PDCD1LG2: variants seen among roughly 807,000 people sequenced by gnomAD.
PDCD1LG2 encodes programmed cell death 1 ligand 2.
Under a neutral mutation model 28.2 loss-of-function variants are expected in PDCD1LG2, and 32 were observed. The ratio of observed to expected loss-of-function variants is 1.13; its 90% CI spans 0.86 to 1.52. The LOEUF (loss-of-function observed/expected upper bound fraction) is 1.52. PDCD1LG2 is among the 40% of genes most tolerant of loss of function. The pLI is 0.00. For missense variants in PDCD1LG2, 385 were observed against 323.8 expected (o/e 1.19, Z -1.45); for synonymous variants, 116 against 120.2 (o/e 0.97, Z 0.23).
chr9:5,539,137 A>AATTCAT (rs2129819986), intron 3 of PDCD1LG2, among the ~76,000 whole-genome samples: 1 of 152,332 alleles, frequency 6.6e-6, no homozygotes, highest in South Asian at 2.1e-4. Flanking sequence ...TTACTAAAAA[A>AATTCAT]ATTCATAAGA....
chr9:5,522,526 A>G lies in PDCD1LG2; in HGVS notation c.-14-7A>G, dbSNP rs755130854. On this transcript the variant is annotated splice_polypyrimidine_tract_variant and splice_region_variant and intron_variant, in intron 1 of 6. Transcript: ENST00000397747. ...AAGGCCCTGAGACTTTCAATTGTCT[A>G]TTTCAGATCAAATACAGAACATGAT... The G allele has an allele frequency of 6.3e-5, 101 of 1,611,618 alleles. No homozygotes were observed. In the Middle Eastern group the frequency reaches 6.6e-4, roughly 11 times the overall value.
At chr9:5,545,967 C>A (rs1416425690) in intron 3 of PDCD1LG2, among the ~76,000 whole-genome samples, 1 of 152,118 alleles carries the variant, frequency 6.6e-6, no homozygotes, top group African/African-American at 2.4e-5. Flanking sequence ...CTCATCTTTT[C>A]CTAAGAATAT....
intron 4 of PDCD1LG2, 31 bp from the exon 5 acceptor site, chr9:5,557,587 A>G: frequency 6.2e-7 from 1 of 1,613,168 alleles, no homozygotes; most frequent in Non-Finnish European, 8.5e-7. Flanking sequence ...GTTGCCATGT[A>G]ACAGGATTCT....
chr9:5,535,087 C>G (rs758485584), intron 3 of PDCD1LG2, 37 bp downstream of exon 3: 3 of 1,531,838 alleles, frequency 2.0e-6, no homozygotes, highest in Non-Finnish European at 2.6e-6. Flanking sequence ...ATGGAAGCAT[C>G]TCTCCAACAG....
intron 1 of PDCD1LG2, among the ~76,000 whole-genome samples, chr9:5,514,639 G>C (rs1820120818): frequency 6.6e-6 from 1 of 152,068 alleles, no homozygotes; most frequent in African/African-American, 2.4e-5. Context: ...TACTTGGGAG[G>C]CTGGGGCAGG....
chr9:5,538,684 T>A (rs1221276583), intron 3 of PDCD1LG2, among the ~76,000 whole-genome samples: 1 of 149,136 alleles, frequency 6.7e-6, no homozygotes, highest in African/African-American at 2.5e-5. Flanking sequence ...CGAGACTCTG[T>A]CTCAAAAAAA....
At chr9:5,560,135 C>T (rs1489249534) in intron 5 of PDCD1LG2, among the ~76,000 whole-genome samples, 1 of 152,240 alleles carries the variant, frequency 6.6e-6, no homozygotes. Context: ...TCAGTATACT[C>T]AGCACACAAT....
In PDCD1LG2 at chr9:5,570,727, T is replaced by C; in HGVS notation, c.*768T>C. ...TACCTTAGAAATCAATTATATACAG[T>C]CAAAAATATTTGATATGCTCATACG... is the stretch of plus-strand genomic sequence containing the variant. On this transcript the variant is annotated 3_prime_UTR_variant, in exon 7 of 7. Transcript: ENST00000397747. 4.3e-6 allele frequency: 1 copy of C among 232,092 alleles called. No individual in the cohort carries two copies. The highest frequency in any genetic ancestry group is 6.1e-5 in the East Asian group (1 of 16,360). The allele number at this position is 232,092 out of a possible 1,614,324, so 14.4% of individuals were successfully genotyped here.
intron 1 of PDCD1LG2, among the ~76,000 whole-genome samples, chr9:5,522,099 T>C (rs989235606): frequency 6.6e-6 from 1 of 152,254 alleles, no homozygotes; most frequent in Non-Finnish European, 1.5e-5. Context: ...CTCTGTTCTA[T>C]GGAGTCTTAT....
chr9:5,549,734 A>T, intron 4 of PDCD1LG2, 130 bp downstream of exon 4: 3 of 1,152,998 alleles, frequency 2.6e-6, no homozygotes, highest in South Asian at 1.6e-5. Context: ...ATTTGGAGAA[A>T]CTACAAAGGA....
Position 5,569,899 on chromosome 9 carries a change from T to C in PDCD1LG2, c.817-55T>C, listed in dbSNP as rs2129974804. ...CCTCACTCAAATTTTGGGGAGGTTA[T>C]ATATTTTCTAATCATAAAAAATGAT... On this transcript the variant is annotated intron_variant, in intron 6 of 6. Coordinates refer to ENST00000397747, the MANE Select transcript of PDCD1LG2 (RefSeq NM_025239.4). This position sits in a 1 kb window ranked among gnomAD's most constrained non-coding sequence, Gnocchi z 4.1. 2 of 1,582,862 alleles carry C rather than the reference T, an allele frequency of 1.3e-6. No individual in the cohort carries two copies. The highest frequency in any genetic ancestry group is 1.1e-5 in the South Asian group (1 of 89,996).
At chr9:5,543,206 G>A (rs2129841494) in intron 3 of PDCD1LG2, among the ~76,000 whole-genome samples, 1 of 152,186 alleles carries the variant, frequency 6.6e-6, no homozygotes, top group South Asian at 2.1e-4. Flanking sequence ...TGGACTTTCA[G>A]GACTTAGGGG....
At chr9:5,540,290 G>C (rs1276759958) in intron 3 of PDCD1LG2, among the ~76,000 whole-genome samples, 1 of 152,092 alleles carries the variant, frequency 6.6e-6, no homozygotes, top group Admixed American at 6.6e-5. Flanking sequence ...GTCTGAAAGA[G>C]CACAAATAGG....
intron 2 of PDCD1LG2, among the ~76,000 whole-genome samples, chr9:5,528,628 T>C (rs1022512357): frequency 2.6e-5 from 4 of 152,114 alleles, no homozygotes; most frequent in African/African-American, 9.7e-5. Context: ...TATGTACTTA[T>C]TGTATATCTT....
At chr9:5,512,170 T>C (rs551329518) in intron 1 of PDCD1LG2, among the ~76,000 whole-genome samples, 13 of 152,312 alleles carry the variant, frequency 8.5e-5, no homozygotes, top group African/African-American at 3.1e-4. Flanking sequence ...CATGCTAATG[T>C]CCAAATATGT....
intron 1 of PDCD1LG2, among the ~76,000 whole-genome samples, chr9:5,522,235 C>T (rs541364797): frequency 5.3e-5 from 8 of 152,296 alleles, no homozygotes; most frequent in South Asian, 4.2e-4. Context: ...CTTCATGAGA[C>T]GTGCAGGTAA....
At chr9:5,519,242 T>C (rs1342458703) in intron 1 of PDCD1LG2, among the ~76,000 whole-genome samples, 1 of 152,200 alleles carries the variant, frequency 6.6e-6, no homozygotes, top group Non-Finnish European at 1.5e-5. Flanking sequence ...CCTGGGGTGA[T>C]TAAGGCAGTT....
chr9:5,540,460 G>A (rs997900613), intron 3 of PDCD1LG2, among the ~76,000 whole-genome samples: 3 of 151,942 alleles, frequency 2.0e-5, no homozygotes, highest in African/African-American at 7.3e-5. Context: ...TATTTGAAAA[G>A]ATAAATAAAA....
chr9:5,517,660 A>G (rs1820193547), intron 1 of PDCD1LG2, among the ~76,000 whole-genome samples: 1 of 152,258 alleles, frequency 6.6e-6, no homozygotes, highest in African/African-American at 2.4e-5. Flanking sequence ...CTGGAATCAT[A>G]GCATCCAGTT....
Sources: allele counts gnomAD v4.1 joint callset (sites outside exome capture counted in the v4.1 genomes callset), GRCh38; gene constraint gnomAD v4.1.1; non-coding constraint Gnocchi (gnomAD v3.1); transcripts MANE v1.5; gene names NCBI Gene and HGNC (gene_info 2026-07-23, HGNC 2026-07-21).